The following R3HDM1 variants were observed in gnomAD, a reference collection of about 807,000 sequenced individuals.
R3HDM1 encodes the protein R3H domain-containing protein 1.
In R3HDM1, 46 loss-of-function variants were observed where a neutral mutation model predicts 141.1. The ratio of observed to expected loss-of-function variants is 0.33; its 90% CI spans 0.26 to 0.42. The LOEUF is 0.42. Ranked by LOEUF, R3HDM1 falls within the 10% of genes least tolerant of loss-of-function variation. The pLI is 1.00. For synonymous variants in R3HDM1, 435 were observed against 472.9 expected, an observed-to-expected ratio of 0.92 and a Z score of 1.04; for missense variants, 1,184 against 1,368.3, an observed-to-expected ratio of 0.87 and a Z score of 2.12.
chr2:135,719,042 G>A (rs1346344677), intron 24 of R3HDM1, among the ~76,000 whole-genome samples: 1 of 152,112 alleles, frequency 6.6e-6, no homozygotes, highest in Admixed American at 6.5e-5. Flanking sequence ...CAGCTACTCA[G>A]GAGGCTGAGG....
At chr2:135,713,560 T>C (rs1285292795) in intron 23 of R3HDM1, among the ~76,000 whole-genome samples, 1 of 152,240 alleles carries the variant, frequency 6.6e-6, no homozygotes, top group Non-Finnish European at 1.5e-5. Context: ...TGAAAAACTG[T>C]GAACAGTCTT....
chr2:135,723,453 CG>C lies in R3HDM1; in HGVS notation c.3050-481del, dbSNP rs1214985439. ...TATTAGCCCTCTATTCCTTGCCTAT[CG>C]GGTAAGTAGGAATGATTTAAAAGAT... On this transcript the variant is annotated intron_variant, in intron 26 of 26. Coordinates refer to ENST00000683871, the MANE Select transcript of R3HDM1 (RefSeq NM_001378107.1). Among the ~76,000 whole-genome samples the C allele has an allele frequency of 5.3e-5, 8 of 151,842 alleles. No individual in the cohort carries two copies. The South Asian group carries it at 1.7e-3, about 32-fold the overall frequency.
chr2:135,590,851 T>C (rs937273956), intron 1 of R3HDM1: 2 of 433,630 alleles, frequency 4.6e-6, no homozygotes, highest in African/African-American at 4.3e-5. Context: ...AAGCTATTTT[T>C]ACTGGCCACA....
intron 1 of R3HDM1, chr2:135,586,853 T>G (rs1708049431): frequency 1.0e-6 from 1 of 985,256 alleles, no homozygotes; most frequent in African/African-American, 1.7e-5. Flanking sequence ...GAAAAATGAC[T>G]TCTCTTTCAA....
chr2:135,724,206 CAAATTA>C lies in R3HDM1; in HGVS notation c.3321_3326del (p.Gln1107_Asn1109delinsHis). 11 of 1,614,060 alleles carry C rather than the reference CAAATTA, an allele frequency of 6.8e-6. No individual in the cohort carries two copies. Among genetic ancestry groups the C allele is most frequent in the Non-Finnish European group, 9.3e-6 (11 of 1,179,966 alleles). On this transcript the variant is annotated inframe_deletion, in exon 27 of 27. Coordinates refer to ENST00000683871, the MANE Select transcript of R3HDM1 (RefSeq NM_001378107.1). ...AGCTGCACAGAATGCACTGAAGAAA[CAAATTA>C]ACTCAGTTAACAAGTTTAAGCTGAG...
intron 3 of R3HDM1, chr2:135,606,797 T>TG (rs959709165): frequency 1.4e-5 from 2 of 147,524 alleles, no homozygotes; most frequent in Admixed American, 6.7e-5. Context: ...AGTTTAACAA[T>TG]GTTTTAATTT....
intron 1 of R3HDM1, chr2:135,536,865 A>G: frequency 3.3e-6 from 1 of 303,124 alleles, no homozygotes; most frequent in Non-Finnish European, 4.8e-6. Flanking sequence ...TAGGATTGCA[A>G]ACCTTACTGT....
At chr2:135,562,653 T>A (rs1702010623) in intron 1 of R3HDM1, among the ~76,000 whole-genome samples, 1 of 152,204 alleles carries the variant, frequency 6.6e-6, no homozygotes, top group Non-Finnish European at 1.5e-5. Flanking sequence ...TATTTACACC[T>A]TCAGGTTCAT....
chr2:135,611,527 CTTTA>C (rs1225643887), intron 3 of R3HDM1, among the ~76,000 whole-genome samples: 3 of 152,092 alleles, frequency 2.0e-5, no homozygotes, highest in Non-Finnish European at 4.4e-5. Context: ...AAATTTGTGG[CTTTA>C]TTGTCATGCA....
Position 135,569,718 on chromosome 2 carries a change from C to CTTTTT in R3HDM1, c.-249-32776_-249-32772dup, listed in dbSNP as rs139858819. 6.9e-4 allele frequency among the ~76,000 whole-genome samples: 89 copies of CTTTTT among 129,226 alleles called. 8 individuals carry two copies. The highest frequency in any genetic ancestry group is 3.3e-3 in the African/African-American group (83 of 25,374). The allele number at this position is 129,226 out of a possible 152,430, so 84.8% of individuals were successfully genotyped here. A position where few individuals can be genotyped will look rare whatever the true frequency, so the allele number is the denominator to read the frequency against. The stretch of plus-strand genomic sequence containing the variant: ...GAACATACCTTTCATATAGTAAGCT[C>CTTTTT]TTTTTTTTTTGTTGTTGTTTTTTTT... On this transcript the variant is annotated intron_variant, in intron 1 of 26. Transcript: ENST00000683871.
At chr2:135,645,209 A>G (rs575920863) in intron 15 of R3HDM1, 170 bp from the exon 16 acceptor site, 1 of 524,904 alleles carries the variant, frequency 1.9e-6, no homozygotes, top group Non-Finnish European at 3.2e-6. Flanking sequence ...TAATAGCCTC[A>G]TGTCAGAGCA....
intron 1 of R3HDM1, among the ~76,000 whole-genome samples, chr2:135,545,346 T>C (rs915222668): frequency 2.0e-5 from 3 of 152,166 alleles, no homozygotes; most frequent in African/African-American, 7.2e-5. Flanking sequence ...TAGTGTCAGA[T>C]AGAAACTATT....
chr2:135,626,209 GTGCTTGCTTGCTTGCTTGCT>G (rs56860646), intron 7 of R3HDM1, among the ~76,000 whole-genome samples: 2 of 143,334 alleles, frequency 1.4e-5, no homozygotes, highest in Non-Finnish European at 3.0e-5. Context: ...GCGTGCGTGC[GTGCTTGCTTGCTTGCTTGCT>G]TGCTTGCTTG....
At chr2:135,592,692 A>G (rs1054741666) in intron 1 of R3HDM1, among the ~76,000 whole-genome samples, 1 of 151,706 alleles carries the variant, frequency 6.6e-6, no homozygotes, top group East Asian at 1.9e-4. Flanking sequence ...TTCTCAAAGC[A>G]TGACTAGATG....
At chr2:135,633,133 T>C (rs2062883815) in intron 9 of R3HDM1, among the ~76,000 whole-genome samples, 1 of 152,226 alleles carries the variant, frequency 6.6e-6, no homozygotes, top group African/African-American at 2.4e-5. Context: ...GGATTAAATG[T>C]TACTAAAATG....
chr2:135,538,616 T>A (rs1247236086), intron 1 of R3HDM1, among the ~76,000 whole-genome samples: 2 of 152,128 alleles, frequency 1.3e-5, no homozygotes, highest in African/African-American at 2.4e-5. Flanking sequence ...GGTTTTGGAG[T>A]TTGTTTTTGA....
At chr2:135,547,263 C>T (rs1008177975) in intron 1 of R3HDM1, among the ~76,000 whole-genome samples, 2 of 152,078 alleles carry the variant, frequency 1.3e-5, no homozygotes, top group African/African-American at 4.8e-5. Context: ...CAAAACAGTA[C>T]ATGCACATAG....
At chr2:135,565,696 A>G (rs567231995) in intron 1 of R3HDM1, 24 of 151,802 alleles carry the variant, frequency 1.6e-4, no homozygotes, top group Admixed American at 3.9e-4. Flanking sequence ...TACTGCTCAG[A>G]GCCAGACTTG....
rs183769955 is a variant in R3HDM1 at position 135,603,018 on chromosome 2, G to A, written c.-41+310G>A. On this transcript the variant is annotated intron_variant, in intron 2 of 26. Transcript: ENST00000683871. ...ATTTATTGAGATGGAGTCTCACTCT[G>A]TCACCCAGACTGGAGTGCAGTGGCG... Among the ~76,000 whole-genome samples the A allele has an allele frequency of 7.2e-5, 11 of 152,128 alleles. No homozygotes were observed. The East Asian group carries it at 1.9e-3, about 27-fold the overall frequency.
Sources: allele counts gnomAD v4.1 joint callset (sites outside exome capture counted in the v4.1 genomes callset), GRCh38; gene constraint gnomAD v4.1.1; transcripts MANE v1.5; gene names NCBI Gene and HGNC (gene_info 2026-07-23, HGNC 2026-07-21).